The following PHF11 variants were observed in gnomAD, a reference collection of about 807,000 sequenced individuals.
The protein encoded by PHF11 is PHD finger protein 11.
Under a neutral mutation model 40.5 loss-of-function variants are expected in PHF11, and 38 were observed. The ratio of observed to expected loss-of-function variants is 0.94; its 90% CI spans 0.72 to 1.23. The LOEUF (loss-of-function observed/expected upper bound fraction) is 1.23. Ranked by LOEUF, PHF11 falls within the 50% of genes most tolerant of loss-of-function variation. The probability of loss-of-function intolerance (pLI) is 0.00; values close to 1 mark genes in which losing one functional copy is unlikely to be tolerated. For missense variants in PHF11, 369 were observed against 392.4 expected (o/e 0.94, Z 0.50); for synonymous variants, 127 against 138.2 (o/e 0.92, Z 0.57).
At chr13:49,509,204 CT>C (rs1257016573) in intron 2 of PHF11, among the ~76,000 whole-genome samples, 1 of 148,678 alleles carries the variant, frequency 6.7e-6, no homozygotes, top group Non-Finnish European at 1.5e-5. Context: ...ATCCTGAATA[CT>C]TTAGTATGAT....
chr13:49,496,513 C>T lies in PHF11; in HGVS notation c.94+418C>T, dbSNP rs557576394. The T allele has an allele frequency of 2.7e-4, 244 of 914,348 alleles. 5 individuals carry two copies. The South Asian group carries it at 9.2e-3, about 34-fold the overall frequency. The allele number at this position is 914,348 out of a possible 1,614,324, so 56.6% of individuals were successfully genotyped here. A position where few individuals can be genotyped will look rare whatever the true frequency, so the allele number is the denominator to read the frequency against. On this transcript the variant is annotated intron_variant, in intron 1 of 9. Transcript: ENST00000378319. ...GCAGGGGGCGGCCCTGAGGGAAGAG[C>T]TGGGTCTCACGTTCACGGAGGACGT...
At chr13:49,511,033 C>T (rs1959075260) in intron 2 of PHF11, among the ~76,000 whole-genome samples, 1 of 152,148 alleles carries the variant, frequency 6.6e-6, no homozygotes, top group Non-Finnish European at 1.5e-5. Flanking sequence ...CTTATCTTTT[C>T]TCAGATTTCA....
At chr13:49,523,086 A>G (rs1959197759) in intron 6 of PHF11, 89 bp from the exon 7 acceptor site, 7 of 910,310 alleles carry the variant, frequency 7.7e-6, no homozygotes, top group Non-Finnish European at 1.3e-5. Flanking sequence ...TACTGTAGGC[A>G]TATCATTTAG....
intron 1 of PHF11, among the ~76,000 whole-genome samples, chr13:49,501,680 CT>C (rs1958909658): frequency 6.6e-6 from 1 of 151,982 alleles, no homozygotes; most frequent in East Asian, 1.9e-4. Context: ...TAGTTTAATT[CT>C]TTTTTTGTTT....
intron 2 of PHF11, among the ~76,000 whole-genome samples, chr13:49,507,119 A>T (rs1424640502): frequency 1.3e-5 from 2 of 151,760 alleles, no homozygotes; most frequent in Admixed American, 1.3e-4. Flanking sequence ...GTTAGCCAGG[A>T]TGATCTCGAT....
At chr13:49,521,292 G>A in intron 5 of PHF11, 3 of 1,001,600 alleles carry the variant, frequency 3.0e-6, no homozygotes, top group Non-Finnish European at 3.6e-6. Context: ...CACCTTCCCT[G>A]AGTGAAAATT....
intron 3 of PHF11, among the ~76,000 whole-genome samples, chr13:49,516,845 A>G (rs1399912153): frequency 1.3e-5 from 2 of 152,036 alleles, no homozygotes; most frequent in Non-Finnish European, 2.9e-5. Context: ...TCAGCCTCCC[A>G]AAGTACTAGG....
intron 4 of PHF11, among the ~76,000 whole-genome samples, chr13:49,520,313 C>T (rs752661677): frequency 3.3e-5 from 5 of 152,182 alleles, no homozygotes; most frequent in Non-Finnish European, 7.3e-5. Flanking sequence ...TCCCAAAATG[C>T]TGGGATTACA....
rs751213718 is a variant in PHF11 at position 49,520,877 on chromosome 13, G to T, written c.459-17G>T. 6.7e-7 allele frequency: 1 copy of T among 1,502,536 alleles called. No homozygotes were observed. The highest frequency in any genetic ancestry group is 1.2e-5 in the South Asian group (1 of 80,976). 93.1% of individuals were successfully genotyped at this position (1,502,536 alleles called of 1,614,324 possible). A position where few individuals can be genotyped will look rare whatever the true frequency, so the allele number is the denominator to read the frequency against. The stretch of plus-strand genomic sequence containing the variant: ...AAATAAAAATATTTTACAATTCTTT[G>T]AAATTAAATATTTCAGACTGCTTTG... On this transcript the variant is annotated splice_polypyrimidine_tract_variant and intron_variant, in intron 4 of 9. Transcript: ENST00000378319.
At chr13:49,503,043 A>G (rs1012755986) in intron 1 of PHF11, among the ~76,000 whole-genome samples, 3 of 152,028 alleles carry the variant, frequency 2.0e-5, no homozygotes, top group Non-Finnish European at 4.4e-5. Flanking sequence ...TTCTTAAACA[A>G]CTTTGTCATC....
intron 1 of PHF11, 107 bp downstream of exon 1, chr13:49,496,202 C>T: frequency 4.2e-6 from 3 of 716,984 alleles, no homozygotes; most frequent in East Asian, 3.7e-5. Context: ...CGACCTGCCC[C>T]TACTCCGGGC....
chr13:49,525,275 T>C (rs1959228220), intron 8 of PHF11, among the ~76,000 whole-genome samples: 1 of 152,170 alleles, frequency 6.6e-6, no homozygotes, highest in African/African-American at 2.4e-5. Context: ...TGAGGCAGAG[T>C]CTCGCTCTCT....
intron 8 of PHF11, 40 bp downstream of exon 8, chr13:49,524,256 T>C: frequency 6.8e-7 from 1 of 1,478,644 alleles, no homozygotes; most frequent in Admixed American, 2.1e-5. Context: ...TAGAGACTTC[T>C]CCCAGATCTA....
At chr13:49,511,025 T>C (rs1959075090) in intron 2 of PHF11, among the ~76,000 whole-genome samples, 1 of 152,204 alleles carries the variant, frequency 6.6e-6, no homozygotes, top group South Asian at 2.1e-4. Context: ...AGATTTGTCT[T>C]ATCTTTTCTC....
Position 49,528,532 on chromosome 13 carries a change from C to T in PHF11, c.863C>T (p.Ala288Val). Residue 288 changes from alanine (A) to valine (V), a missense_variant, in exon 10 of 10, where the codon GCA (alanine) becomes GTA (valine). Ala to Val is a moderately conservative substitution (Grantham distance 64). Coordinates refer to ENST00000378319, the MANE Select transcript of PHF11 (RefSeq NM_001040443.3). ...ATAGCAATAGAGAAAAAAATTCATG[C>T]ATCTCAACAAAGGTGGCAGCAGTTG... The part of the protein sequence containing the change: ...FQAAIEKKIH[A>V]SQQRWQQLKE... 4.4e-6 allele frequency: 7 copies of T among 1,602,872 alleles called. No homozygotes were observed. Among genetic ancestry groups the T allele is most frequent in the East Asian group, 2.2e-5 (1 of 44,812 alleles).
chr13:49,520,313 C>G (rs752661677), intron 4 of PHF11, among the ~76,000 whole-genome samples: 40 of 152,182 alleles, frequency 2.6e-4, no homozygotes, highest in Non-Finnish European at 4.7e-4. Flanking sequence ...TCCCAAAATG[C>G]TGGGATTACA....
rs770892701 is a variant in PHF11 at position 49,528,543 on chromosome 13, A to C, written c.874A>C (p.Arg292=). 2 of 1,609,072 alleles carry C rather than the reference A, an allele frequency of 1.2e-6. No homozygotes were observed. Among genetic ancestry groups the C allele is most frequent in the Non-Finnish European group, 1.7e-6 (2 of 1,177,640 alleles). The change falls in exon 10 of 10, where the codon AGG becomes CGG. Residue 292 remains arginine (R), a synonymous_variant. Coordinates refer to ENST00000378319, the MANE Select transcript of PHF11 (RefSeq NM_001040443.3). The stretch of plus-strand genomic sequence containing the variant: ...GAAAAAAATTCATGCATCTCAACAA[A>C]GGTGGCAGCAGTTGAAGGAAGAGAT... ...IEKKIHASQQ[R]WQQLKEEIEL... is the part of the protein sequence containing the mutation.
intron 1 of PHF11, among the ~76,000 whole-genome samples, chr13:49,501,840 G>A (rs895341000): frequency 1.3e-5 from 2 of 151,942 alleles, no homozygotes; most frequent in East Asian, 3.9e-4. Context: ...ATAGGTGTCC[G>A]CCACCATGCC....
chr13:49,503,460 G>A (rs1214646123), intron 1 of PHF11, among the ~76,000 whole-genome samples: 1 of 152,196 alleles, frequency 6.6e-6, no homozygotes, highest in Non-Finnish European at 1.5e-5. Context: ...GCAGACACCA[G>A]TTCTATCTCA....
Sources: allele counts gnomAD v4.1 joint callset (sites outside exome capture counted in the v4.1 genomes callset), GRCh38; gene constraint gnomAD v4.1.1; transcripts MANE v1.5; gene names NCBI Gene and HGNC (gene_info 2026-07-23, HGNC 2026-07-21).